Variants in DISP2 observed in about 807,000 individuals in gnomAD.
DISP2 encodes protein dispatched homolog 2.
Under a neutral mutation model 95.5 loss-of-function variants are expected in DISP2, and 59 were observed. That is an observed-to-expected ratio of 0.62 (90% CI 0.50 to 0.77). The LOEUF (loss-of-function observed/expected upper bound fraction) is 0.77. Ranked by LOEUF, DISP2 falls within the 30% of genes least tolerant of loss-of-function variation. The probability of loss-of-function intolerance (pLI) is 0.00; values close to 1 mark genes in which losing one functional copy is unlikely to be tolerated. For missense variants in DISP2, 1,752 were observed against 1,854.6 expected (o/e 0.94, Z 1.02); for synonymous variants, 827 against 815.0 (o/e 1.01, Z -0.25).
In DISP2 at chr15:40,367,500, C is replaced by T. The variant is rs756981544; in HGVS notation, c.1388C>T (p.Ala463Val). 1.8e-5 allele frequency: 29 copies of T among 1,613,598 alleles called. No homozygotes were observed. In the Admixed American group the frequency reaches 4.8e-4, roughly 27 times the overall value. ...LDRLATPWGL[A>V]DNYTSVTGMD... ...CGGCTGGCCACCCCCTGGGGGCTTG[C>T]TGACAACTACACCTCTGTCACTGGC... Residue 463 changes from alanine (A) to valine (V), a missense_variant, in exon 8 of 8, where the codon GCT becomes GTT. Coordinates refer to ENST00000267889, the MANE Select transcript of DISP2 (RefSeq NM_033510.3).
rs1440669234 is a variant in DISP2, at chr15:40,369,678, C to T, written c.3566C>T (p.Pro1189Leu). ...GCCACCAGCAAGCTGTCCCACCGGCCCTCAGTACTCTCTGAGGATCTGCAG... is the reference window on the plus strand; with the variant it reads ...GCCACCAGCAAGCTGTCCCACCGGCTCTCAGTACTCTCTGAGGATCTGCAG... ...STATSKLSHRPSVLSEDLQLH... is the reference protein window; with the variant it reads ...STATSKLSHRLSVLSEDLQLH... The change falls in exon 8 of 8, where the codon CCC becomes CTC. Residue 1189 changes from proline to leucine, a missense_variant. By Grantham distance (98) the Pro-to-Leu change is moderately conservative. Around this residue, in one of 5 missense-constraint regions of DISP2, gnomAD observed 347 missense variants for 344.2 expected, o/e 1.01. Transcript: ENST00000267889. 1 of 1,612,034 alleles carries T rather than the reference C, an allele frequency of 6.2e-7. No homozygotes were observed. Among genetic ancestry groups the T allele is most frequent in the Non-Finnish European group, 8.5e-7 (1 of 1,180,012 alleles).
Position 40,368,060 on chromosome 15 carries a change from C to A in DISP2, c.1948C>A (p.Arg650Ser). ...SAVLHERYLA[R>S]GCARRARGRW... ...CGTGCTCCACGAGCGCTACCTGGCGCGCGGCTGTGCGCGCCGGGCGCGGGG... is the reference window on the plus strand; with the variant it reads ...CGTGCTCCACGAGCGCTACCTGGCGAGCGGCTGTGCGCGCCGGGCGCGGGG... Residue 650 changes from arginine (R) to serine (S), a missense_variant, in exon 8 of 8, where the codon CGC becomes AGC. This residue lies in a region of DISP2 where 732 missense variants were observed against 714.6 expected (regional missense o/e 1.02). Coordinates refer to ENST00000267889, the MANE Select transcript of DISP2 (RefSeq NM_033510.3). The A allele has an allele frequency of 6.8e-7, 1 of 1,470,162 alleles. No homozygotes were observed. Among genetic ancestry groups the A allele is most frequent in the South Asian group, 1.3e-5 (1 of 75,538 alleles). 91.1% of individuals were successfully genotyped at this position (1,470,162 alleles called of 1,614,324 possible).
chr15:40,364,608 A>G, intron 4 of DISP2, 64 bp downstream of exon 4: 1 of 1,583,284 alleles, frequency 6.3e-7, no homozygotes, highest in South Asian at 1.1e-5. Context: ...CCTGGGGCAG[A>G]AAGTTGGAGG....
At chr15:40,359,622 T>C (rs1889375671) in intron 1 of DISP2, among the ~76,000 whole-genome samples, 1 of 152,212 alleles carries the variant, frequency 6.6e-6, no homozygotes, top group South Asian at 2.1e-4. Flanking sequence ...TCAGATATCT[T>C]GCCAAGGATC....
At chr15:40,364,294 G>C in intron 3 of DISP2, 39 bp downstream of exon 3, 1 of 1,614,138 alleles carries the variant, frequency 6.2e-7, no homozygotes, top group Non-Finnish European at 8.5e-7. Flanking sequence ...GGGGTGACCA[G>C]GCTGGTGCCC....
rs1405502279 is a variant in DISP2 at position 40,376,149 on chromosome 15, G to GA, written c.*5837dup. The GA allele has an allele frequency of 6.6e-6, 1 of 151,622 alleles. No individual in the cohort carries two copies. Among genetic ancestry groups the GA allele is most frequent in the Non-Finnish European group, 1.5e-5 (1 of 67,928 alleles). 9.4% of individuals were successfully genotyped at this position (151,622 alleles called of 1,614,324 possible). A position where few individuals can be genotyped will look rare whatever the true frequency, so the allele number is the denominator to read the frequency against. ...AAATATATAAATATATATTAAAAAGGAAAAAATAATAAAAATTTTTAAAAA... is the reference window on the plus strand; with the variant it reads ...AAATATATAAATATATATTAAAAAGGAAAAAAATAATAAAAATTTTTAAAAA... On this transcript the variant is annotated 3_prime_UTR_variant, in exon 8 of 8. Transcript: ENST00000267889.
In DISP2 at chr15:40,375,080, C is replaced by G. The variant is rs1201101729; in HGVS notation, c.*4762C>G. Reference sequence around the variant, plus strand: ...CCCTTGTTCACAGGGATGACTGTAACTAAGGTCTGCAGGTATTTATGCTTA... The same window carrying G: ...CCCTTGTTCACAGGGATGACTGTAAGTAAGGTCTGCAGGTATTTATGCTTA... On this transcript the variant is annotated 3_prime_UTR_variant, in exon 8 of 8. Coordinates refer to ENST00000267889, the MANE Select transcript of DISP2 (RefSeq NM_033510.3). 6.6e-6 allele frequency: 1 copy of G among 152,226 alleles called. No individual in the cohort carries two copies. The highest frequency in any genetic ancestry group is 2.4e-5 in the African/African-American group (1 of 41,454). 9.4% of individuals were successfully genotyped at this position (152,226 alleles called of 1,614,324 possible).
Position 40,364,442 on chromosome 15 carries a change from G to A in DISP2, c.501G>A (p.Glu167=). Residue 167 remains glutamate, a synonymous_variant, in exon 4 of 8, where the codon GAG becomes GAA. Coordinates refer to ENST00000267889, the MANE Select transcript of DISP2 (RefSeq NM_033510.3). ...MPKSYSQLIA[E]WPVAVLMLCL... Reference sequence around the variant, plus strand: ...CCAGCTATTCCCAGCTGATTGCTGAGTGGCCAGTGGCCGTGCTGATGCTGT... The same window carrying A: ...CCAGCTATTCCCAGCTGATTGCTGAATGGCCAGTGGCCGTGCTGATGCTGT... The A allele has an allele frequency of 3.1e-6, 5 of 1,613,998 alleles. No individual in the cohort carries two copies. The highest frequency in any genetic ancestry group is 4.2e-6 in the Non-Finnish European group (5 of 1,180,042).
chr15:40,363,190 T>C (rs1056763403), intron 1 of DISP2, among the ~76,000 whole-genome samples: 2 of 150,870 alleles, frequency 1.3e-5, no homozygotes, highest in Non-Finnish European at 2.9e-5. Flanking sequence ...CGGGCACCTG[T>C]AATCCCAGCT....
intron 4 of DISP2, 98 bp downstream of exon 4, chr15:40,364,642 G>C (rs1449576264): frequency 6.5e-7 from 1 of 1,544,332 alleles, no homozygotes; most frequent in Non-Finnish European, 8.7e-7. Flanking sequence ...GTAGCCTGGG[G>C]ATAGGGTAGC....
At position 40,369,255 on chromosome 15, in the gene DISP2, G is replaced by A. The variant is rs1188349236; in HGVS notation, c.3143G>A (p.Arg1048His). Residue 1048 changes from arginine to histidine, a missense_variant, in exon 8 of 8, where the codon CGC becomes CAC. By Grantham distance (29) the Arg-to-His change is conservative. This residue lies in a region of DISP2 where 317 missense variants were observed against 394.9 expected (regional missense o/e 0.80). Coordinates refer to ENST00000267889, the MANE Select transcript of DISP2 (RefSeq NM_033510.3). ...ISYHLCPHPD[R>H]LSRVAFSLRQ... is the part of the protein sequence containing the mutation. ...TATCACCTGTGCCCACACCCTGACC[G>A]CCTGAGCCGTGTGGCCTTCTCTCTG... The A allele has an allele frequency of 1.2e-6, 2 of 1,613,622 alleles. No individual in the cohort carries two copies. The highest frequency in any genetic ancestry group is 1.3e-5 in the African/African-American group (1 of 74,914).
chr15:40,367,355 C>A lies in DISP2; in HGVS notation c.1243C>A (p.Leu415Met). ...TGCCATCTACCAACTCCTGCACTTT[C>A]TGCTTGACAGGGACTTTCTGAGTCC... ...SSAIYQLLHF[L>M]LDRDFLSPQT... The change falls in exon 8 of 8, where the codon CTG becomes ATG. Residue 415 changes from leucine (L) to methionine (M), a missense_variant. This residue lies in a region of DISP2 where 732 missense variants were observed against 714.6 expected (regional missense o/e 1.02). Coordinates refer to ENST00000267889, the MANE Select transcript of DISP2 (RefSeq NM_033510.3). 6.2e-7 allele frequency: 1 copy of A among 1,613,584 alleles called. No individual in the cohort carries two copies. The highest frequency in any genetic ancestry group is 8.5e-7 in the Non-Finnish European group (1 of 1,179,944).
intron 1 of DISP2, among the ~76,000 whole-genome samples, chr15:40,360,258 G>A (rs950232356): frequency 2.0e-5 from 3 of 152,228 alleles, no homozygotes; most frequent in Non-Finnish European, 4.4e-5. Flanking sequence ...GAGGGAGTGA[G>A]AATAAAAAAC....
rs200669688 is a variant in DISP2, at chr15:40,369,580, C to T, written c.3468C>T (p.Pro1156=). 3.6e-5 allele frequency: 58 copies of T among 1,611,796 alleles called. No individual in the cohort carries two copies. The highest frequency in any genetic ancestry group is 1.1e-4 in the African/African-American group (8 of 75,014). ...GACCAGGGTCAGTGGGAGGGATGCC[C>T]GGGTCCTGCTCAGAGCAATATGAGC... is the stretch of plus-strand genomic sequence containing the variant. ...RPRPGSVGGM[P]GSCSEQYELQ... The change falls in exon 8 of 8, where the codon CCC becomes CCT. Residue 1156 remains proline, a synonymous_variant. Transcript: ENST00000267889.
In DISP2 at chr15:40,366,628, G is replaced by A. The variant is rs941815109; in HGVS notation, c.946-430G>A. On this transcript the variant is annotated intron_variant, in intron 7 of 7. Transcript: ENST00000267889. ...GCCCTGGGCCTAAGAGGGTTTAAGC[G>A]GTGCAGTGGACAGAGGGGAGCTGGG... Among the ~76,000 whole-genome samples, 26 of 152,212 alleles carry A rather than the reference G, an allele frequency of 1.7e-4. 1 individual carries two copies. Among genetic ancestry groups the A allele is most frequent in the Admixed American group, 3.9e-4 (6 of 15,286 alleles).
In DISP2 at chr15:40,363,904, C is replaced by T. The variant is rs143063914; in HGVS notation, c.399C>T (p.Arg133=). 3.3e-5 allele frequency: 52 copies of T among 1,565,052 alleles called. No individual in the cohort carries two copies. In the African/African-American group the frequency reaches 6.1e-4, roughly 18 times the overall value. The change falls in exon 2 of 8, where the codon CGC becomes CGT. Residue 133 remains arginine, a synonymous_variant. Coordinates refer to ENST00000267889, the MANE Select transcript of DISP2 (RefSeq NM_033510.3). ...GCCCTTCTCCAGCCCCCTCACAGCG[C>T]GATGGGACCTGGAAGCCACCCGCTG... ...SLSPSPAPSQ[R]DGTWKPPAVQ... is the part of the protein sequence containing the mutation.
Position 40,370,487 on chromosome 15 carries a change from C to T in DISP2, c.*169C>T. On this transcript the variant is annotated 3_prime_UTR_variant, in exon 8 of 8. Coordinates refer to ENST00000267889, the MANE Select transcript of DISP2 (RefSeq NM_033510.3). ...AGATGTCCCAGCCTTGATCTGTCTG[C>T]TCCTACTCCTCACATCTGGAGGATT... The T allele has an allele frequency of 1.7e-6, 2 of 1,184,982 alleles. No homozygotes were observed. Among genetic ancestry groups the T allele is most frequent in the Non-Finnish European group, 2.4e-6 (2 of 840,274 alleles). The allele number at this position is 1,184,982 out of a possible 1,614,324, so 73.4% of individuals were successfully genotyped here.
chr15:40,358,931 C>T (rs1002154954), intron 1 of DISP2, among the ~76,000 whole-genome samples: 2 of 152,266 alleles, frequency 1.3e-5, no homozygotes, highest in African/African-American at 4.8e-5. Flanking sequence ...CCATCAGTCG[C>T]TTGCCTGCCC....
rs1427840496 is a variant in DISP2, at chr15:40,368,970, T to A, written c.2858T>A (p.Leu953Gln). ...GGTTGGTTCACTAGCCGTCTAGAGC[T>A]GTATAGCCTGCAGCACAGCCTGAGC... is the stretch of plus-strand genomic sequence containing the variant. ...RRGWFTSRLE[L>Q]YSLQHSLSTE... The change falls in exon 8 of 8, where the codon CTG (leucine) becomes CAG (glutamine). Residue 953 changes from leucine (L) to glutamine (Q), a missense_variant. Coordinates refer to ENST00000267889, the MANE Select transcript of DISP2 (RefSeq NM_033510.3). 2 of 1,613,856 alleles carry A rather than the reference T, an allele frequency of 1.2e-6. No homozygotes were observed. The highest frequency in any genetic ancestry group is 1.7e-6 in the Non-Finnish European group (2 of 1,180,046).
Sources: allele counts gnomAD v4.1 joint callset (sites outside exome capture counted in the v4.1 genomes callset), GRCh38; gene constraint gnomAD v4.1.1; regional missense constraint gnomAD v4.1.1; transcripts MANE v1.5; gene names NCBI Gene and HGNC (gene_info 2026-07-23, HGNC 2026-07-21).